Variants in RYR1 observed in about 807,000 individuals in gnomAD.
RYR1 encodes the protein central core disease of muscle.
A neutral mutation model predicts 583.5 loss-of-function variants in RYR1; 342 were observed. That is an observed-to-expected ratio of 0.59 (90% CI 0.54 to 0.64). The LOEUF (loss-of-function observed/expected upper bound fraction) is 0.64. Among genes scored for constraint, RYR1 ranks in the 30% least tolerant of loss-of-function variants. The pLI is 0.00. For synonymous variants in RYR1, 2,791 were observed against 2,822.5 expected, an observed-to-expected ratio of 0.99 and a Z score of 0.35; for missense variants, 6,032 against 6,917.2, an observed-to-expected ratio of 0.87 and a Z score of 4.54.
At chr19:38,502,849 G>T in intron 48 of RYR1, 31 bp from the exon 49 acceptor site, 1 of 1,602,916 alleles carries the variant, frequency 6.2e-7, no homozygotes, top group Non-Finnish European at 8.5e-7. Context: ...GCCTGGACGG[G>T]GGATTCTACA....
intron 37 of RYR1, 106 bp from the exon 38 acceptor site, chr19:38,492,370 AAAAAAAAGGAAATG>A: frequency 1.2e-5 from 14 of 1,171,972 alleles, no homozygotes; most frequent in Non-Finnish European, 1.7e-5. Flanking sequence ...CAAAAAAAAA[AAAAAAAAGGAAATG>A]AAAAACTCCA....
Position 38,460,592 on chromosome 19 carries a change from G to A in RYR1, c.2577+1G>A, listed in dbSNP as rs1416605332. The A allele has an allele frequency of 1.9e-6, 3 of 1,609,636 alleles. No individual in the cohort carries two copies. In the Admixed American group the frequency reaches 5.0e-5, roughly 27 times the overall value. On this transcript the variant is annotated splice_donor_variant, in intron 20 of 105. Coordinates refer to ENST00000359596, the MANE Select transcript of RYR1 (RefSeq NM_000540.3). LOFTEE classifies it high-confidence loss of function. ...GCCCTGCCCTGTGGACACTGTCCAG[G>A]TACTGCCTGCCCTGCAAAGGTTTTC...
intron 57 of RYR1, 105 bp from the exon 58 acceptor site, chr19:38,507,607 A>G: frequency 1.3e-6 from 1 of 793,510 alleles, no homozygotes; most frequent in Non-Finnish European, 2.3e-6. Context: ...GGTGAAGCCA[A>G]AGCTGATAGA....
At chr19:38,452,529 C>G (rs1447090993) in intron 12 of RYR1, among the ~76,000 whole-genome samples, 2 of 152,176 alleles carry the variant, frequency 1.3e-5, no homozygotes, top group African/African-American at 4.8e-5. Flanking sequence ...TGATCACATT[C>G]CTGATCATCA....
chr19:38,518,922 T>C (rs1419080263), intron 66 of RYR1, among the ~76,000 whole-genome samples: 3 of 149,960 alleles, frequency 2.0e-5, no homozygotes, highest in African/African-American at 7.4e-5. Flanking sequence ...AGTGAAACTC[T>C]GTCTCAAAAA....
intron 61 of RYR1, among the ~76,000 whole-genome samples, chr19:38,511,835 A>T (rs1970739430): frequency 6.6e-6 from 1 of 152,030 alleles, no homozygotes; most frequent in African/African-American, 2.4e-5. Flanking sequence ...CTATCTCCAG[A>T]CAAGGACAGC....
Position 38,584,189 on chromosome 19 carries a change from C to A in RYR1, c.14647-754C>A, listed in dbSNP as rs547889449. Among the ~76,000 whole-genome samples the A allele has an allele frequency of 4.3e-4, 65 of 151,772 alleles. 2 individuals carry two copies. Among genetic ancestry groups the A allele is most frequent in the African/African-American group, 7.3e-5 (3 of 41,358 alleles). ...TTCCCCTAGCTCATCCCTGGTCACA[C>A]TGTGCCTCCCCACCCCAGCCTCGAC... On this transcript the variant is annotated intron_variant, in intron 101 of 105. Coordinates refer to ENST00000359596, the MANE Select transcript of RYR1 (RefSeq NM_000540.3).
chr19:38,578,147 C>T lies in RYR1; in HGVS notation c.14307C>T (p.Leu4769=), dbSNP rs1177353484. ...CTCCCCACCCCCGCCCCCACAGGCTCATGTCCATCGATGTCAAGTACCAGA... is the reference window on the plus strand; with the variant it reads ...CTCCCCACCCCCGCCCCCACAGGCTTATGTCCATCGATGTCAAGTACCAGA... ...PNPPPGLLTW[L]MSIDVKYQIW... is the part of the protein sequence containing the mutation. The change falls in exon 99 of 106, where the codon CTC becomes CTT. Residue 4769 remains leucine, a synonymous_variant. Coordinates refer to ENST00000359596, the MANE Select transcript of RYR1 (RefSeq NM_000540.3). 3 of 1,613,458 alleles carry T rather than the reference C, an allele frequency of 1.9e-6. No individual in the cohort carries two copies. The highest frequency in any genetic ancestry group is 2.7e-5 in the African/African-American group (2 of 74,848).
chr19:38,436,786 C>A (rs1257425275), intron 1 of RYR1, among the ~76,000 whole-genome samples: 2 of 152,080 alleles, frequency 1.3e-5, no homozygotes, highest in African/African-American at 2.4e-5. Context: ...ATTTTCTATT[C>A]TTGCTCCATT....
At position 38,466,407 on chromosome 19, in the gene RYR1, T is replaced by A. The variant is rs1968108251; in HGVS notation, c.3178+9T>A. 6.5e-7 allele frequency: 1 copy of A among 1,542,526 alleles called. No individual in the cohort carries two copies. The highest frequency in any genetic ancestry group is 1.2e-5 in the South Asian group (1 of 83,990). On this transcript the variant is annotated intron_variant, in intron 24 of 105. Transcript: ENST00000359596. The stretch of plus-strand genomic sequence containing the variant: ...TCCTGACCAGGAGCCCAGTGAGTGC[T>A]CACCCCTGGCCCTGGCCCTGACTCC...
At chr19:38,436,505 G>C (rs1304204629) in intron 1 of RYR1, among the ~76,000 whole-genome samples, 1 of 152,092 alleles carries the variant, frequency 6.6e-6, no homozygotes. Context: ...CACCATGCCC[G>C]GCCTTTCTTC....
rs1011372318 is a variant in RYR1 at position 38,496,041 on chromosome 19, G to T, written c.6549-174G>T. 6.6e-6 allele frequency among the ~76,000 whole-genome samples: 1 copy of T among 152,164 alleles called. No homozygotes were observed. The highest frequency in any genetic ancestry group is 1.5e-5 in the Non-Finnish European group (1 of 68,022). ...GCCTCCCAAAGTGCTGGGATTACAC[G>T]CATGAGCCACCGCACCCGGCCAGCT... On this transcript the variant is annotated intron_variant, in intron 39 of 105. Coordinates refer to ENST00000359596, the MANE Select transcript of RYR1 (RefSeq NM_000540.3). The surrounding 1 kb of genome is among the most constrained non-coding windows in gnomAD (Gnocchi z 4.8).
At chr19:38,527,552 C>G in intron 72 of RYR1, 95 bp from the exon 73 acceptor site, 7 of 1,492,888 alleles carry the variant, frequency 4.7e-6, no homozygotes, top group Non-Finnish European at 6.4e-6. Flanking sequence ...AACATGCACT[C>G]ACCCATTGAG....
rs144880434 is a variant in RYR1, at chr19:38,460,749, G to T, written c.2577+158G>T. ...GCCCAGCAATTTGGGAGGCCGAGGC[G>T]GGTGGATCACCTGAGGTCAGGAGTT... is the stretch of plus-strand genomic sequence containing the variant. On this transcript the variant is annotated intron_variant, in intron 20 of 105. Coordinates refer to ENST00000359596, the MANE Select transcript of RYR1 (RefSeq NM_000540.3). Among the ~76,000 whole-genome samples the T allele has an allele frequency of 5.9e-5, 9 of 152,314 alleles. No homozygotes were observed. The South Asian group carries it at 1.9e-3, about 32-fold the overall frequency.
Position 38,586,193 on chromosome 19 carries a change from T to G in RYR1, c.14969+2T>G. On this transcript the variant is annotated splice_donor_variant, in intron 104 of 105. Coordinates refer to ENST00000359596, the MANE Select transcript of RYR1 (RefSeq NM_000540.3). LOFTEE classifies it high-confidence loss of function. ...GGAGCACAACCTGGCCAATTACATG[T>G]GAGCAGACACACTGGCCAGTCAGGA... The G allele has an allele frequency of 6.2e-7, 1 of 1,612,966 alleles. No individual in the cohort carries two copies. Among genetic ancestry groups the G allele is most frequent in the Non-Finnish European group, 8.5e-7 (1 of 1,179,644 alleles).
intron 66 of RYR1, among the ~76,000 whole-genome samples, chr19:38,518,927 CAA>C (rs549791781): frequency 1.4e-4 from 17 of 118,478 alleles, no homozygotes; most frequent in Non-Finnish European, 2.0e-4. Flanking sequence ...AACTCTGTCT[CAA>C]AAAAAAAAAA....
At position 38,574,259 on chromosome 19, in the gene RYR1, GA is replaced by G. The variant is rs1181191265; in HGVS notation, c.14129+968del. On this transcript the variant is annotated intron_variant, in intron 96 of 105. Coordinates refer to ENST00000359596, the MANE Select transcript of RYR1 (RefSeq NM_000540.3). ...TGGGCAACAGAGCGAGACTCCATCT[GA>G]AAAAAAAAAAAAAAAGGAAAAGAAA... Among the ~76,000 whole-genome samples, 270 of 38,920 alleles carry G rather than the reference GA, an allele frequency of 6.9e-3. 3 individuals are homozygous for G. In the East Asian group the frequency reaches 0.097, roughly 14 times the overall value. The allele number at this position is 38,920 out of a possible 152,430, so 25.5% of individuals were successfully genotyped here. A position where few individuals can be genotyped will look rare whatever the true frequency, so the allele number is the denominator to read the frequency against.
chr19:38,550,337 T>C (rs948454021), intron 89 of RYR1, among the ~76,000 whole-genome samples: 1 of 152,142 alleles, frequency 6.6e-6, no homozygotes, highest in Non-Finnish European at 1.5e-5. Flanking sequence ...CTGACATGTT[T>C]GAAGAACGCA....
intron 89 of RYR1, 62 bp downstream of exon 89, chr19:38,548,482 C>T (rs1392394282): frequency 2.0e-6 from 3 of 1,524,170 alleles, no homozygotes; most frequent in Non-Finnish European, 2.7e-6. Flanking sequence ...CCAGCCATAC[C>T]CTTCTGGCTG....
Sources: gnomAD v4.1 joint callset for allele counts (sites outside exome capture counted in the v4.1 genomes callset) on GRCh38, gnomAD v4.1.1 for gene constraint, Gnocchi (gnomAD v3.1) non-coding constraint, MANE v1.5 for transcripts, NCBI Gene and HGNC (gene_info 2026-07-23, HGNC 2026-07-21) for gene names.